CNOT1: variants seen among roughly 807,000 people sequenced by gnomAD.
CNOT1 encodes the protein CCR4-associated factor 1.
A neutral mutation model predicts 273.8 loss-of-function variants in CNOT1; 15 were observed. That is an observed-to-expected ratio of 0.05 (90% CI 0.04 to 0.08). The LOEUF (loss-of-function observed/expected upper bound fraction) is 0.08. CNOT1 is among the 10% of genes least tolerant of loss of function. CNOT1 has a pLI of 1.00. For missense variants in CNOT1, 1,644 were observed against 2,912.2 expected (o/e 0.56, Z 10.02); for synonymous variants, 1,022 against 1,005.5 (o/e 1.02, Z -0.31).
intron 39 of CNOT1, among the ~76,000 whole-genome samples, chr16:58,535,970 G>C (rs959560598): frequency 4.6e-5 from 7 of 152,080 alleles, no homozygotes; most frequent in South Asian, 2.1e-4. Flanking sequence ...TCCTGACCTC[G>C]TGATCCGCCT....
chr16:58,572,452 C>G (rs2041307965), intron 16 of CNOT1, among the ~76,000 whole-genome samples: 2 of 151,886 alleles, frequency 1.3e-5, no homozygotes. Context: ...CTGGGCAAGA[C>G]AGTGAAATCC....
intron 43 of CNOT1, 47 bp downstream of exon 43, chr16:58,530,199 C>A: frequency 6.8e-7 from 1 of 1,460,396 alleles, no homozygotes; most frequent in South Asian, 1.2e-5. Flanking sequence ...AGTGTATTTT[C>A]TTAAGATCTC....
intron 35 of CNOT1, among the ~76,000 whole-genome samples, 190 bp downstream of exon 35, chr16:58,539,578 T>C (rs1297235429): frequency 6.6e-6 from 1 of 151,880 alleles, no homozygotes; most frequent in Non-Finnish European, 1.5e-5. Flanking sequence ...AAAATGAAGA[T>C]TTCCAAGTTT....
chr16:58,595,872 T>A (rs1028032246), intron 2 of CNOT1, among the ~76,000 whole-genome samples: 1 of 152,150 alleles, frequency 6.6e-6, no homozygotes, highest in Non-Finnish European at 1.5e-5. Context: ...TGCTTTTGTG[T>A]TTAAGTCAGA....
chr16:58,579,294 A>G (rs2041572981), intron 12 of CNOT1, among the ~76,000 whole-genome samples: 1 of 152,214 alleles, frequency 6.6e-6, no homozygotes, highest in Non-Finnish European at 1.5e-5. Context: ...AATTTAAAAG[A>G]CAGAACAAAG....
At chr16:58,597,976 C>T (rs2042321577) in intron 2 of CNOT1, 1 of 218,100 alleles carries the variant, frequency 4.6e-6, no homozygotes, top group Non-Finnish European at 9.0e-6. Flanking sequence ...TTAAGAAAAG[C>T]CTGGGAGCTA....
chr16:58,597,725 A>T, intron 2 of CNOT1: 1 of 515,918 alleles, frequency 1.9e-6, no homozygotes, highest in Non-Finnish European at 3.9e-6. Context: ...ACTGCACAGG[A>T]GGGTGTGATG....
rs2039315788 is a variant in CNOT1 at position 58,520,173 on chromosome 16, T to C, written c.*785A>G. The C allele has an allele frequency of 6.6e-6, 1 of 151,988 alleles. No homozygotes were observed. The highest frequency in any genetic ancestry group is 1.5e-5 in the Non-Finnish European group (1 of 67,988). The allele number at this position is 151,988 out of a possible 1,614,324, so 9.4% of individuals were successfully genotyped here. On this transcript the variant is annotated 3_prime_UTR_variant, in exon 49 of 49. Transcript: ENST00000317147. ...CAGTGGGGTAATGGGGGAGAACAAT[T>C]AATTAATGAGATTTGGTTCCCTTTC...
At chr16:58,602,530 G>T (rs1297904884) in intron 1 of CNOT1, among the ~76,000 whole-genome samples, 1 of 114,654 alleles carries the variant, frequency 8.7e-6, no homozygotes. Flanking sequence ...TCTGGCCTGG[G>T]CAACAGAGCA....
rs748122432 is a variant in CNOT1 at position 58,525,248 on chromosome 16, T to A, written c.6715A>T (p.Met2239Leu). ...HIHNKGSTPSMSTITHSAHMD... is the reference protein window; with the variant it reads ...HIHNKGSTPSLSTITHSAHMD... The stretch of plus-strand genomic sequence containing the variant: ...TGTGCTGAGTGAGTGATGGTGCTCA[T>A]TGAAGGTGTGCTGCCCTTGTTGTGG... The change falls in exon 46 of 49, where the codon ATG becomes TTG. Residue 2239 changes from methionine (M) to leucine (L), a missense_variant. Met to Leu is a conservative substitution (Grantham distance 15). Coordinates refer to ENST00000317147, the MANE Select transcript of CNOT1 (RefSeq NM_016284.5). 2 of 1,614,034 alleles carry A rather than the reference T, an allele frequency of 1.2e-6. No homozygotes were observed. The highest frequency in any genetic ancestry group is 3.3e-5 in the Admixed American group (2 of 60,026).
intron 16 of CNOT1, among the ~76,000 whole-genome samples, chr16:58,561,287 A>T (rs2040832428): frequency 6.6e-6 from 1 of 152,206 alleles, no homozygotes; most frequent in Non-Finnish European, 1.5e-5. Context: ...CTTTCTCTTG[A>T]AACTAATTTG....
chr16:58,527,161 C>G (rs1167147400), intron 44 of CNOT1, among the ~76,000 whole-genome samples: 2 of 152,130 alleles, frequency 1.3e-5, no homozygotes, highest in Admixed American at 6.6e-5. Flanking sequence ...GGTTCCATAT[C>G]TAATTAACCT....
At chr16:58,625,490 C>T (rs2043529040) in intron 1 of CNOT1, among the ~76,000 whole-genome samples, 1 of 151,110 alleles carries the variant, frequency 6.6e-6, no homozygotes, top group Admixed American at 6.6e-5. Context: ...CCAGCCTGGG[C>T]AACAAGAGCA....
chr16:58,563,702 C>A (rs2040939759), intron 16 of CNOT1, among the ~76,000 whole-genome samples: 1 of 152,156 alleles, frequency 6.6e-6, no homozygotes, highest in African/African-American at 2.4e-5. Flanking sequence ...CCATGTTGTC[C>A]CATATCTCAC....
intron 1 of CNOT1, among the ~76,000 whole-genome samples, chr16:58,605,761 T>A (rs2042653955): frequency 6.6e-6 from 1 of 152,154 alleles, no homozygotes; most frequent in Admixed American, 6.6e-5. Context: ...CTGACTCAGA[T>A]GATCCTCCTA....
At chr16:58,619,804 C>T (rs1324518845) in intron 1 of CNOT1, among the ~76,000 whole-genome samples, 2 of 152,032 alleles carry the variant, frequency 1.3e-5, no homozygotes, top group Non-Finnish European at 2.9e-5. Flanking sequence ...GGAAAAAAAC[C>T]TTATTTGCTT....
intron 16 of CNOT1, among the ~76,000 whole-genome samples, chr16:58,561,321 T>C (rs1331200972): frequency 6.6e-6 from 1 of 152,212 alleles, no homozygotes; most frequent in Non-Finnish European, 1.5e-5. Flanking sequence ...AACTAGTATA[T>C]AGTACAACCA....
chr16:58,570,745 T>C (rs2041241664), intron 16 of CNOT1, among the ~76,000 whole-genome samples: 1 of 151,978 alleles, frequency 6.6e-6, no homozygotes, highest in South Asian at 2.1e-4. Flanking sequence ...TAAATGAAAT[T>C]TTTGGATCCT....
intron 47 of CNOT1, among the ~76,000 whole-genome samples, chr16:58,522,306 T>G (rs2039423137): frequency 2.0e-5 from 3 of 151,172 alleles, no homozygotes; most frequent in Admixed American, 2.0e-4. Flanking sequence ...GGTAAAATTT[T>G]TCCGAATGCC....
Sources: allele counts gnomAD v4.1 joint callset (sites outside exome capture counted in the v4.1 genomes callset), GRCh38; gene constraint gnomAD v4.1.1; transcripts MANE v1.5; gene names NCBI Gene and HGNC (gene_info 2026-07-23, HGNC 2026-07-21).